The following ATXN7 variants were observed in gnomAD, a reference collection of about 807,000 sequenced individuals.
ATXN7 encodes the protein ataxin-7.
Under a neutral mutation model 70.5 loss-of-function variants are expected in ATXN7, and 12 were observed. The ratio of observed to expected loss-of-function variants is 0.17; its 90% confidence interval spans 0.11 to 0.28. The LOEUF (loss-of-function observed/expected upper bound fraction) is 0.28, where lower values mean the gene tolerates loss of function less well. ATXN7 is among the 10% of genes least tolerant of loss of function. ATXN7 has a pLI of 1.00. For missense variants in ATXN7, 1,256 were observed against 1,131.7 expected (o/e 1.11, Z -1.58); for synonymous variants, 498 against 448.7 (o/e 1.11, Z -1.39).
chr3:63,954,716 T>G (rs1301753573), intron 5 of ATXN7, among the ~76,000 whole-genome samples: 12 of 148,836 alleles, frequency 8.1e-5, no homozygotes, highest in Admixed American at 1.3e-4. Flanking sequence ...TTTTTGTTTT[T>G]TTTTTTTTTT....
At position 63,990,465 on chromosome 3, in the gene ATXN7, G is replaced by A. The variant is rs1215715173; in HGVS notation, c.1560+91G>A. 8 of 1,475,036 alleles carry A rather than the reference G, an allele frequency of 5.4e-6. No homozygotes were observed. In the East Asian group the frequency reaches 1.1e-4, roughly 21 times the overall value. 91.4% of individuals were successfully genotyped at this position (1,475,036 alleles called of 1,614,324 possible). ...GCGCGCCAGGGATCTTGGCATGCCC[G>A]TATGTGTGGGACGCGGTCAAGGTGT... On this transcript the variant is annotated intron_variant, in intron 10 of 12. Coordinates refer to ENST00000674280, the MANE Select transcript of ATXN7 (RefSeq NM_001377405.1).
chr3:63,891,676 G>A (rs1703268596), intron 1 of ATXN7, among the ~76,000 whole-genome samples: 1 of 152,136 alleles, frequency 6.6e-6, no homozygotes, highest in Non-Finnish European at 1.5e-5. Context: ...CTACCTTACT[G>A]CAATGAATAT....
chr3:63,947,032 G>A (rs1364351340), intron 4 of ATXN7, among the ~76,000 whole-genome samples: 1 of 152,158 alleles, frequency 6.6e-6, no homozygotes, highest in Non-Finnish European at 1.5e-5. Context: ...AAATTGCCAG[G>A]GGTGTTATGA....
rs1178745808 is a variant in ATXN7 at position 63,982,325 on chromosome 3, C to A, written c.892C>A (p.Pro298Thr). Residue 298 changes from proline (P) to threonine (T), a missense_variant, in exon 7 of 13, where the codon CCA becomes ACA. Physicochemically the swap from Pro to Thr is conservative, Grantham distance 38 (BLOSUM62 -1). Transcript: ENST00000674280. The part of the protein sequence containing the change: ...PGLNCPSIPK[P>T]TLPSPGQILN... ...CCTTAACTGCCCCTCAATACCAAAGCCAACCTTGCCTTCACCTGGACAGAT... is the reference window on the plus strand; with the variant it reads ...CCTTAACTGCCCCTCAATACCAAAGACAACCTTGCCTTCACCTGGACAGAT... 1 of 1,614,176 alleles carries A rather than the reference C, an allele frequency of 6.2e-7. No individual in the cohort carries two copies. The highest frequency in any genetic ancestry group is 8.5e-7 in the Non-Finnish European group (1 of 1,180,038).
chr3:63,898,604 T>C (rs1240176692), intron 2 of ATXN7, 107 bp downstream of exon 2: 1 of 152,262 alleles, frequency 6.6e-6, no homozygotes, highest in African/African-American at 2.4e-5. Context: ...TTAAGGCATC[T>C]GTGTAAGATC....
At chr3:63,897,220 A>C (rs1559623569) in intron 1 of ATXN7, among the ~76,000 whole-genome samples, 1 of 152,356 alleles carries the variant, frequency 6.6e-6, no homozygotes, top group African/African-American at 2.4e-5. Context: ...AGGAGCACTA[A>C]AATGGAAATC....
At chr3:63,991,725 C>T (rs1218253750) in intron 11 of ATXN7, among the ~76,000 whole-genome samples, 1 of 151,964 alleles carries the variant, frequency 6.6e-6, no homozygotes, top group Non-Finnish European at 1.5e-5. Context: ...CAATTTAAGA[C>T]ACCTTGTGTG....
At chr3:63,919,673 A>G (rs559478975) in intron 4 of ATXN7, among the ~76,000 whole-genome samples, 2 of 151,452 alleles carry the variant, frequency 1.3e-5, no homozygotes, top group Non-Finnish European at 2.9e-5. Flanking sequence ...ATATGTATAC[A>G]TGCGCCATGT....
intron 5 of ATXN7, 71 bp from the exon 6 acceptor site, chr3:63,979,844 G>A: frequency 6.3e-7 from 1 of 1,585,060 alleles, no homozygotes; most frequent in Non-Finnish European, 8.6e-7. Context: ...TGATTTCAGG[G>A]AATTCTTCCA....
chr3:63,919,987 G>T (rs1350374641), intron 4 of ATXN7, among the ~76,000 whole-genome samples: 12 of 151,960 alleles, frequency 7.9e-5, no homozygotes, highest in Admixed American at 7.9e-4. Flanking sequence ...CGCTGCCCCT[G>T]AGCTGGTTTA....
intron 4 of ATXN7, among the ~76,000 whole-genome samples, chr3:63,933,141 A>G (rs1049828315): frequency 2.0e-5 from 3 of 152,176 alleles, no homozygotes; most frequent in African/African-American, 7.2e-5. Context: ...AGGCTCTACT[A>G]GTTTCAGGTG....
intron 1 of ATXN7, among the ~76,000 whole-genome samples, chr3:63,884,896 C>T (rs1192706733): frequency 1.3e-5 from 2 of 151,386 alleles, no homozygotes; most frequent in Admixed American, 6.6e-5. Flanking sequence ...TGGGCTCAAG[C>T]GATTCACCTG....
At chr3:63,935,929 G>C (rs2074654856) in intron 4 of ATXN7, among the ~76,000 whole-genome samples, 1 of 152,178 alleles carries the variant, frequency 6.6e-6, no homozygotes, top group African/African-American at 2.4e-5. Flanking sequence ...TGCATCTTAA[G>C]TGTTGTTAGC....
intron 6 of ATXN7, among the ~76,000 whole-genome samples, chr3:63,981,644 A>G (rs777568097): frequency 7.2e-5 from 11 of 152,240 alleles, no homozygotes; most frequent in African/African-American, 1.9e-4. Flanking sequence ...ACATATATTT[A>G]TTAAACACTA....
At chr3:63,947,689 CTT>C (rs1245920626) in intron 4 of ATXN7, among the ~76,000 whole-genome samples, 1 of 152,208 alleles carries the variant, frequency 6.6e-6, no homozygotes, top group Non-Finnish European at 1.5e-5. Context: ...GACCCACACT[CTT>C]AGCCACTCTG....
intron 1 of ATXN7, among the ~76,000 whole-genome samples, chr3:63,874,767 T>C (rs562713724): frequency 6.6e-6 from 1 of 152,340 alleles, no homozygotes; most frequent in African/African-American, 2.4e-5. Flanking sequence ...TGGCCTCATT[T>C]GAGTAATGTT....
chr3:63,870,328 C>G (rs1702558337), intron 1 of ATXN7, among the ~76,000 whole-genome samples: 1 of 152,164 alleles, frequency 6.6e-6, no homozygotes, highest in South Asian at 2.1e-4. Flanking sequence ...CCATAATTTG[C>G]AGAATCCTTG....
rs539536571 is a variant in ATXN7, at chr3:63,889,669, C to T, written c.-110-8730C>T. Among the ~76,000 whole-genome samples, 36 of 152,326 alleles carry T rather than the reference C, an allele frequency of 2.4e-4. No individual in the cohort carries two copies. The South Asian group carries it at 4.6e-3, about 19-fold the overall frequency. On this transcript the variant is annotated intron_variant, in intron 1 of 12. Transcript: ENST00000674280. ...GATACCATGGCTCTAGGGAATGCCA[C>T]ATGGTCAAACCTATAGCACTGAGCA...
intron 8 of ATXN7, among the ~76,000 whole-genome samples, chr3:63,987,023 A>G (rs1322928514): frequency 6.6e-6 from 1 of 152,160 alleles, no homozygotes; most frequent in African/African-American, 2.4e-5. Context: ...ATCTCCTTGC[A>G]TTTTTACAGA....
Sources: gnomAD v4.1 joint callset for allele counts (sites outside exome capture counted in the v4.1 genomes callset) on GRCh38, gnomAD v4.1.1 for gene constraint, MANE v1.5 for transcripts, NCBI Gene and HGNC (gene_info 2026-07-23, HGNC 2026-07-21) for gene names.